SEC63: variants seen among roughly 807,000 people sequenced by gnomAD.
SEC63 encodes translocation protein SEC63 homolog.
A neutral mutation model predicts 116.2 loss-of-function variants in SEC63; 56 were observed. That is an observed-to-expected ratio of 0.48 (90% CI 0.39 to 0.60). The LOEUF (loss-of-function observed/expected upper bound fraction) is 0.60. Among genes scored for constraint, SEC63 ranks in the 20% least tolerant of loss-of-function variants. SEC63 has a pLI of 0.00. For synonymous variants in SEC63, 273 were observed against 294.6 expected, an observed-to-expected ratio of 0.93 and a Z score of 0.75; for missense variants, 668 against 900.0, an observed-to-expected ratio of 0.74 and a Z score of 3.30.
chr6:107,949,869 C>CAAGT (rs1428259170), intron 1 of SEC63, among the ~76,000 whole-genome samples: 1 of 152,184 alleles, frequency 6.6e-6, no homozygotes, highest in Non-Finnish European at 1.5e-5. Flanking sequence ...CTCCTGGACT[C>CAAGT]AAGTGTTCCT....
At chr6:107,901,599 C>T (rs912287839) in intron 12 of SEC63, 82 bp from the exon 13 acceptor site, 3 of 1,020,088 alleles carry the variant, frequency 2.9e-6, no homozygotes, top group African/African-American at 1.6e-5. Context: ...ACATGTTAAC[C>T]ACAACAAAAT....
At chr6:107,876,448 G>A (rs549523796) in intron 19 of SEC63, 116 bp downstream of exon 19, 17 of 717,836 alleles carry the variant, frequency 2.4e-5, no homozygotes, top group Non-Finnish European at 3.0e-5. Flanking sequence ...TGCAGGCAAC[G>A]AATAGAATAC....
chr6:107,880,404 C>A (rs1373220803), intron 18 of SEC63, among the ~76,000 whole-genome samples: 12 of 152,194 alleles, frequency 7.9e-5, no homozygotes, highest in Non-Finnish European at 1.5e-4. Context: ...GGAACCAGTT[C>A]TTGACCTCTA....
At chr6:107,957,784 T>C (rs2114530255) in intron 1 of SEC63, 102 bp downstream of exon 1, 1 of 1,249,638 alleles carries the variant, frequency 8.0e-7, no homozygotes, top group South Asian at 2.2e-5. Flanking sequence ...GTCCCTGTCA[T>C]CCCGGACGCC....
At chr6:107,937,796 T>C (rs1170559022) in intron 1 of SEC63, among the ~76,000 whole-genome samples, 1 of 152,200 alleles carries the variant, frequency 6.6e-6, no homozygotes, top group Non-Finnish European at 1.5e-5. Context: ...TTAGTGATGT[T>C]GAGCATTTTT....
chr6:107,880,530 G>C (rs1786391501), intron 18 of SEC63, among the ~76,000 whole-genome samples: 1 of 152,208 alleles, frequency 6.6e-6, no homozygotes, highest in Admixed American at 6.5e-5. Context: ...CAATTACAAA[G>C]TAAACAAGGA....
intron 1 of SEC63, among the ~76,000 whole-genome samples, chr6:107,934,191 G>T (rs1264436879): frequency 6.6e-6 from 1 of 151,524 alleles, no homozygotes; most frequent in East Asian, 2.0e-4. Flanking sequence ...CATCGTCTGG[G>T]ACGTGAGGAG....
At chr6:107,916,556 C>A (rs1787404310) in intron 4 of SEC63, among the ~76,000 whole-genome samples, 1 of 152,220 alleles carries the variant, frequency 6.6e-6, no homozygotes, top group Non-Finnish European at 1.5e-5. Context: ...CTTCTTATTG[C>A]ACTTTGCAGA....
intron 1 of SEC63, among the ~76,000 whole-genome samples, chr6:107,948,567 C>T (rs1207209214): frequency 1.3e-5 from 2 of 152,134 alleles, no homozygotes; most frequent in Non-Finnish European, 1.5e-5. Flanking sequence ...GGGTAAATTA[C>T]GAAGGCTGTT....
intron 13 of SEC63, among the ~76,000 whole-genome samples, chr6:107,899,977 T>C (rs1786960218): frequency 6.6e-6 from 1 of 152,156 alleles, no homozygotes; most frequent in Non-Finnish European, 1.5e-5. Context: ...GATTGCACTG[T>C]TTGCCTTCCT....
intron 1 of SEC63, among the ~76,000 whole-genome samples, chr6:107,953,779 G>A (rs1455265230): frequency 1.4e-4 from 7 of 51,730 alleles, no homozygotes; most frequent in African/African-American, 1.9e-4. Context: ...CAGCCGCCCC[G>A]TCCGGGAGGG....
At position 107,871,051 on chromosome 6, in the gene SEC63, G is replaced by T. The variant is rs1225738417; in HGVS notation, c.*653C>A. ...TCTGCTAAGATAGAGGTTTAGAAAT[G>T]GTTTAAGCCATTAAAAGCCATTTTT... On this transcript the variant is annotated 3_prime_UTR_variant, in exon 21 of 21. Transcript: ENST00000369002. 1.3e-5 allele frequency: 2 copies of T among 153,740 alleles called. No individual in the cohort carries two copies. The highest frequency in any genetic ancestry group is 2.4e-5 in the African/African-American group (1 of 41,432). The allele number at this position is 153,740 out of a possible 1,614,324, so 9.5% of individuals were successfully genotyped here. A position where few individuals can be genotyped will look rare whatever the true frequency, so the allele number is the denominator to read the frequency against.
chr6:107,908,382 T>C lies in SEC63; in HGVS notation c.733+545A>G, dbSNP rs142738171. ...AATAAGAACTGGGAATGAAATACTC[T>C]AGCACTAGTTTTCTTTCAACACACC... On this transcript the variant is annotated intron_variant, in intron 8 of 20. Coordinates refer to ENST00000369002, the MANE Select transcript of SEC63 (RefSeq NM_007214.5). Among the ~76,000 whole-genome samples the C allele has an allele frequency of 1.1e-3, 175 of 152,336 alleles. 3 individuals are homozygous for C. In the East Asian group the frequency reaches 0.022, roughly 19 times the overall value.
intron 2 of SEC63, among the ~76,000 whole-genome samples, chr6:107,925,203 C>T (rs1289616456): frequency 6.6e-6 from 1 of 152,106 alleles, no homozygotes. Context: ...GTGAATTCAA[C>T]TTATTAACTT....
At chr6:107,919,905 T>C (rs1787514506) in intron 4 of SEC63, among the ~76,000 whole-genome samples, 2 of 152,024 alleles carry the variant, frequency 1.3e-5, no homozygotes, top group Admixed American at 6.6e-5. Context: ...AAATCTTTCA[T>C]GAAAAGAATT....
Position 107,913,356 on chromosome 6 carries a change from T to A in SEC63, c.514+10A>T. 6.4e-7 allele frequency: 1 copy of A among 1,555,684 alleles called. No individual in the cohort carries two copies. The highest frequency in any genetic ancestry group is 1.1e-5 in the South Asian group (1 of 89,726). ...TATCGCCAATATTTTAAAATCATCA[T>A]TTACCACACCTTGAGGCCCATCTGG... On this transcript the variant is annotated intron_variant, in intron 5 of 20. Transcript: ENST00000369002.
intron 17 of SEC63, among the ~76,000 whole-genome samples, chr6:107,881,941 A>G (rs1013873616): frequency 9.8e-5 from 15 of 152,294 alleles, no homozygotes; most frequent in Admixed American, 4.6e-4. Context: ...ATATGAAGAA[A>G]TTAGTCTGTC....
At chr6:107,892,815 A>G (rs1228610285) in intron 16 of SEC63, among the ~76,000 whole-genome samples, 2 of 152,192 alleles carry the variant, frequency 1.3e-5, no homozygotes, top group African/African-American at 2.4e-5. Context: ...CAAATAGCTA[A>G]AAGACTGGTA....
At chr6:107,929,051 A>ATCACATGGTGAT (rs1179358090) in intron 2 of SEC63, among the ~76,000 whole-genome samples, 5 of 152,238 alleles carry the variant, frequency 3.3e-5, no homozygotes, top group Admixed American at 1.3e-4. Context: ...TGTGCTCAAT[A>ATCACATGGTGAT]AACTTTAATT....
Sources: allele counts gnomAD v4.1 joint callset (sites outside exome capture counted in the v4.1 genomes callset), GRCh38; gene constraint gnomAD v4.1.1; transcripts MANE v1.5; gene names NCBI Gene and HGNC (gene_info 2026-07-23, HGNC 2026-07-21).